Variants in CD226 observed in about 807,000 individuals in gnomAD.
CD226 encodes CD226 molecule, also known as CD226 antigen.
A neutral mutation model predicts 34.9 loss-of-function variants in CD226; 24 were observed. The ratio of observed to expected loss-of-function variants is 0.69; its 90% confidence interval spans 0.50 to 0.97. The LOEUF (loss-of-function observed/expected upper bound fraction) is 0.97. CD226 is among the 50% of genes least tolerant of loss of function. The probability of loss-of-function intolerance (pLI) is 0.00; values close to 1 mark genes in which losing one functional copy is unlikely to be tolerated. For synonymous variants in CD226, 148 were observed against 147.4 expected (o/e 1.00, Z -0.03); for missense variants, 397 against 412.7 (o/e 0.96, Z 0.33).
At chr18:69,902,546 CTCT>C (rs754271800) in intron 2 of CD226, among the ~76,000 whole-genome samples, 7 of 151,074 alleles carry the variant, frequency 4.6e-5, no homozygotes, top group Non-Finnish European at 1.0e-4. Flanking sequence ...TTCATGCTTT[CTCT>C]TCTTCTGCTT....
At chr18:69,871,749 TTAAA>T (rs955265465) in intron 4 of CD226, among the ~76,000 whole-genome samples, 1 of 152,010 alleles carries the variant, frequency 6.6e-6, no homozygotes, top group African/African-American at 2.4e-5. Context: ...ATCCGGGAGA[TTAAA>T]TAAAGTAGAA....
chr18:69,959,608 T>C (rs2055920051), upstream of CD226, among the ~76,000 whole-genome samples: 1 of 150,832 alleles, frequency 6.6e-6, no homozygotes, highest in Non-Finnish European at 1.5e-5. Context: ...AGTTTCTCTT[T>C]ATAGGAAAAT....
At chr18:69,876,707 A>T (rs1195014882) in intron 3 of CD226, among the ~76,000 whole-genome samples, 1 of 152,130 alleles carries the variant, frequency 6.6e-6, no homozygotes, top group African/African-American at 2.4e-5. Context: ...GCACCAGCTG[A>T]GTGTCCGCCA....
intron 2 of CD226, chr18:69,944,372 A>C (rs1421747271): frequency 6.6e-6 from 1 of 152,218 alleles, no homozygotes; most frequent in Non-Finnish European, 1.5e-5. Context: ...AAGCCCCATG[A>C]AGGTGACAGC....
At chr18:69,946,078 C>A (rs745497510) in intron 2 of CD226, among the ~76,000 whole-genome samples, 2 of 142,842 alleles carry the variant, frequency 1.4e-5, no homozygotes, top group African/African-American at 2.6e-5. Context: ...CAGCTACTTG[C>A]GGGGCTGAGG....
chr18:69,886,018 T>C (rs1984538721), intron 3 of CD226, among the ~76,000 whole-genome samples: 1 of 152,212 alleles, frequency 6.6e-6, no homozygotes, highest in Non-Finnish European at 1.5e-5. Context: ...AAGGACGCTC[T>C]GTAGCTCCAC....
intron 3 of CD226, among the ~76,000 whole-genome samples, chr18:69,882,990 T>TATG: frequency 6.6e-6 from 1 of 152,234 alleles, no homozygotes; most frequent in Non-Finnish European, 1.5e-5. Flanking sequence ...TATGGACACT[T>TATG]GACTCTGAGT....
chr18:69,907,818 T>C (rs1308733241), intron 2 of CD226, among the ~76,000 whole-genome samples: 2 of 152,142 alleles, frequency 1.3e-5, no homozygotes, highest in Non-Finnish European at 2.9e-5. Context: ...AAGAGAGTAT[T>C]GCCCATTTCA....
chr18:69,887,277 C>T, intron 3 of CD226, among the ~76,000 whole-genome samples: 1 of 151,836 alleles, frequency 6.6e-6, no homozygotes. Context: ...CTTGTTACTC[C>T]TCCTAACAAA....
upstream of CD226, chr18:69,961,724 C>T (rs2055930496): frequency 6.6e-6 from 1 of 152,206 alleles, no homozygotes; most frequent in Non-Finnish European, 1.5e-5. Flanking sequence ...AGTACTTACA[C>T]ACACACCTTA....
chr18:69,954,807 A>T (rs1470296890), intron 1 of CD226, among the ~76,000 whole-genome samples: 1 of 152,182 alleles, frequency 6.6e-6, no homozygotes, highest in Non-Finnish European at 1.5e-5. Flanking sequence ...GCAGCTGAAG[A>T]CAAAGTCCAG....
intron 1 of CD226, among the ~76,000 whole-genome samples, chr18:69,956,398 T>G (rs1414048166): frequency 1.3e-5 from 2 of 152,246 alleles, no homozygotes; most frequent in Non-Finnish European, 2.9e-5. Context: ...TCATCCTTGT[T>G]CAGTCTTGCT....
intron 2 of CD226, among the ~76,000 whole-genome samples, chr18:69,911,874 A>G (rs927187938): frequency 2.6e-4 from 40 of 152,304 alleles, no homozygotes; most frequent in African/African-American, 8.9e-4. Flanking sequence ...ATTACTAATA[A>G]GCATACTGAA....
chr18:69,961,477 G>T (rs956425755), upstream of CD226: 2 of 152,156 alleles, frequency 1.3e-5, no homozygotes, highest in African/African-American at 4.8e-5. Flanking sequence ...TTATATGTTT[G>T]CACAATCAAT....
At chr18:69,949,020 G>A (rs943756182), upstream of CD226, among the ~76,000 whole-genome samples, 21 of 152,202 alleles carry the variant, frequency 1.4e-4, no homozygotes, top group Non-Finnish European at 5.9e-5. Flanking sequence ...GAAAACAGAG[G>A]CGTGACAATG....
chr18:69,944,298 C>G (rs536522974), intron 2 of CD226, among the ~76,000 whole-genome samples: 3 of 152,106 alleles, frequency 2.0e-5, no homozygotes. Context: ...TCAAACTAGA[C>G]GGACAGCCGG....
intron 3 of CD226, among the ~76,000 whole-genome samples, chr18:69,874,520 G>C (rs1425756024): frequency 6.6e-6 from 1 of 152,160 alleles, no homozygotes; most frequent in Non-Finnish European, 1.5e-5. Context: ...GGCTCTGAGA[G>C]GGCAGCACAA....
intron 3 of CD226, among the ~76,000 whole-genome samples, chr18:69,881,063 T>C (rs948876655): frequency 5.9e-5 from 9 of 152,170 alleles, no homozygotes; most frequent in African/African-American, 2.2e-4. Context: ...GTAAATGAAG[T>C]GGTGGATATG....
At chr18:69,950,440 C>T (rs1478155349), upstream of CD226, among the ~76,000 whole-genome samples, 1 of 152,124 alleles carries the variant, frequency 6.6e-6, no homozygotes, top group Non-Finnish European at 1.5e-5. Context: ...GTGCATGTCA[C>T]GTTATGAAAA....
Sources: allele counts gnomAD v4.1 joint callset (sites outside exome capture counted in the v4.1 genomes callset), GRCh38; gene constraint gnomAD v4.1.1; transcripts MANE v1.5; gene names NCBI Gene and HGNC (gene_info 2026-07-23, HGNC 2026-07-21).